Variants in SGK3 observed in about 807,000 individuals in gnomAD.
The protein encoded by SGK3 is serine/threonine-protein kinase Sgk3.
Under a neutral mutation model 68.5 loss-of-function variants are expected in SGK3, and 47 were observed. That is an observed-to-expected ratio of 0.69 (90% confidence interval 0.54 to 0.87). SGK3 has a LOEUF of 0.87. SGK3 is among the 40% of genes least tolerant of loss of function. The probability of loss-of-function intolerance (pLI) is 0.00; values close to 1 mark genes in which losing one functional copy is unlikely to be tolerated. For missense variants in SGK3, 479 were observed against 575.5 expected (o/e 0.83, Z 1.72); for synonymous variants, 181 against 189.1 (o/e 0.96, Z 0.35).
At chr8:66,846,386 C>T (rs1398436178) in intron 14 of SGK3, among the ~76,000 whole-genome samples, 1 of 152,186 alleles carries the variant, frequency 6.6e-6, no homozygotes, top group Non-Finnish European at 1.5e-5. Flanking sequence ...GCAATCTCAG[C>T]TCACTGCATC....
chr8:66,775,278 G>C (rs1458876384), intron 1 of SGK3: 2 of 152,370 alleles, frequency 1.3e-5, no homozygotes, highest in East Asian at 3.9e-4. Context: ...CAGCAGTGGC[G>C]GCGCTTCCCA....
At chr8:66,785,468 T>G (rs1267740299) in intron 1 of SGK3, among the ~76,000 whole-genome samples, 2 of 152,228 alleles carry the variant, frequency 1.3e-5, no homozygotes, top group African/African-American at 4.8e-5. Context: ...CCTTCAGCCC[T>G]GTTGACGTTT....
intron 1 of SGK3, chr8:66,790,868 C>G (rs1211768241): frequency 6.6e-6 from 1 of 152,162 alleles, no homozygotes; most frequent in Non-Finnish European, 1.5e-5. Context: ...TGTGCCATCC[C>G]CACCCTCCAC....
chr8:66,731,111 A>C (rs1245564014), intron 1 of SGK3, among the ~76,000 whole-genome samples: 1 of 152,182 alleles, frequency 6.6e-6, no homozygotes, highest in Non-Finnish European at 1.5e-5. Flanking sequence ...TTTCTAATTT[A>C]ATTACATTTT....
In SGK3 at chr8:66,821,200, C is replaced by T. The variant is rs183085281; in HGVS notation, c.330-1172C>T. Among the ~76,000 whole-genome samples, 839 of 152,174 alleles carry T rather than the reference C, an allele frequency of 5.5e-3. 12 individuals are homozygous for T. The highest frequency in any genetic ancestry group is 0.018 in the African/African-American group (753 of 41,526). On this transcript the variant is annotated intron_variant, in intron 5 of 16. Transcript: ENST00000521198. ...AGTCCGTTTTTTTCTCTTCATCCTT[C>T]TTCTTCATAGCCATTTCCTCATCCC...
chr8:66,716,895 C>T (rs1804648698), intron 1 of SGK3, among the ~76,000 whole-genome samples: 1 of 152,044 alleles, frequency 6.6e-6, no homozygotes, highest in South Asian at 2.1e-4. Context: ...AGCTTGTTGG[C>T]AGATAATTAA....
At chr8:66,847,948 G>A (rs538829060) in intron 15 of SGK3, among the ~76,000 whole-genome samples, 1 of 151,038 alleles carries the variant, frequency 6.6e-6, no homozygotes, top group Non-Finnish European at 1.5e-5. Context: ...TCAAATAAGG[G>A]TAATTAAATT....
intron 1 of SGK3, among the ~76,000 whole-genome samples, chr8:66,776,210 T>C (rs1209768716): frequency 6.6e-6 from 1 of 152,196 alleles, no homozygotes; most frequent in East Asian, 1.9e-4. Flanking sequence ...GGGTGTTACC[T>C]GATGTGATCA....
intron 1 of SGK3, among the ~76,000 whole-genome samples, chr8:66,723,106 TATATATATATATATATATATATATA>T (rs1238387982): frequency 4.3e-4 from 17 of 39,972 alleles, no homozygotes; most frequent in South Asian, 7.4e-4. Flanking sequence ...TATATATATA[TATATATATATATATATATATATATA>T]TTTTTTTTTT....
intron 1 of SGK3, among the ~76,000 whole-genome samples, chr8:66,713,484 A>T (rs532338677): frequency 1.2e-4 from 18 of 152,362 alleles, no homozygotes; most frequent in Non-Finnish European, 2.2e-4. Context: ...CTTCTGAACC[A>T]TGAGTAGAAT....
chr8:66,832,734 A>G lies in SGK3; in HGVS notation c.525+1423A>G, dbSNP rs560390791. On this transcript the variant is annotated intron_variant, in intron 8 of 16. Coordinates refer to ENST00000521198, the MANE Select transcript of SGK3 (RefSeq NM_001033578.3). ...AGCCTGGGCAACATAGCAAGACCCC[A>G]TCTCAAAAAAAAAAAAAGTCATTAT... Among the ~76,000 whole-genome samples, 628 of 150,224 alleles carry G rather than the reference A, an allele frequency of 4.2e-3. 4 individuals are homozygous for G. The highest frequency in any genetic ancestry group is 9.2e-3 in the Admixed American group (138 of 15,024).
Position 66,720,781 on chromosome 8 carries a change from T to TTATATATATATATATATATA in SGK3, c.-122+7962_-122+7963insTATATATATATATATATATA, listed in dbSNP as rs758419858. On this transcript the variant is annotated intron_variant, in intron 1 of 16. Transcript: ENST00000521198. Reference sequence around the variant, plus strand: ...GCAAAACTCTGTCTCAAAAAAAAAATTATATATATATATAATTAGCCAGGT... The same window carrying TTATATATATATATATATATA: ...GCAAAACTCTGTCTCAAAAAAAAAATTATATATATATATATATATATATATATATATATAATTAGCCAGGT... 8.2e-4 allele frequency among the ~76,000 whole-genome samples: 120 copies of TTATATATATATATATATATA among 146,314 alleles called. No homozygotes were observed. The Middle Eastern group carries it at 0.01, about 13-fold the overall frequency.
intron 1 of SGK3, among the ~76,000 whole-genome samples, chr8:66,718,232 C>T (rs1408686693): frequency 6.7e-6 from 1 of 150,112 alleles, no homozygotes; most frequent in Non-Finnish European, 1.5e-5. Context: ...ACCATGTTGG[C>T]CAGGCTGGTC....
At chr8:66,859,071 A>G (rs1015578395) in intron 16 of SGK3, among the ~76,000 whole-genome samples, 3 of 152,100 alleles carry the variant, frequency 2.0e-5, no homozygotes, top group African/African-American at 7.2e-5. Flanking sequence ...GGTGGCTCAC[A>G]CCTGTAATCC....
At chr8:66,788,144 T>TA (rs1399884094) in intron 1 of SGK3, among the ~76,000 whole-genome samples, 2 of 152,170 alleles carry the variant, frequency 1.3e-5, no homozygotes, top group Non-Finnish European at 2.9e-5. Context: ...CTAGAAAACT[T>TA]ACAAGAAGGA....
chr8:66,767,846 T>G, intron 1 of SGK3: 1 of 1,431,110 alleles, frequency 7.0e-7, no homozygotes. Flanking sequence ...GGTAAGGATG[T>G]GGGAGCATCG....
chr8:66,808,002 C>T (rs1191625725), intron 4 of SGK3, among the ~76,000 whole-genome samples: 1 of 151,944 alleles, frequency 6.6e-6, no homozygotes, highest in Non-Finnish European at 1.5e-5. Context: ...CACAGTGCAG[C>T]AAATGAGTTT....
chr8:66,777,378 C>T (rs1196140710), intron 1 of SGK3, among the ~76,000 whole-genome samples: 1 of 152,206 alleles, frequency 6.6e-6, no homozygotes, highest in Non-Finnish European at 1.5e-5. Context: ...TAGTGCCTGG[C>T]ACACAGGAGG....
intron 1 of SGK3, among the ~76,000 whole-genome samples, chr8:66,739,936 C>A (rs1805432017): frequency 6.6e-6 from 1 of 152,162 alleles, no homozygotes; most frequent in Non-Finnish European, 1.5e-5. Context: ...GGAAACTGCC[C>A]CCATGATTCA....
Sources: gnomAD v4.1 joint callset for allele counts (sites outside exome capture counted in the v4.1 genomes callset) on GRCh38, gnomAD v4.1.1 for gene constraint, MANE v1.5 for transcripts, NCBI Gene and HGNC (gene_info 2026-07-23, HGNC 2026-07-21) for gene names.